LHX4: variants seen among roughly 807,000 people sequenced by gnomAD.
The protein encoded by LHX4 is LIM homeobox 4.
LHX4 carries 16 observed loss-of-function variants against 39.2 expected under a neutral mutation model. That is an observed-to-expected ratio of 0.41 (90% CI 0.28 to 0.62). LHX4 has a LOEUF of 0.62. LHX4 is among the 20% of genes least tolerant of loss of function. LHX4 has a pLI of 0.33. For synonymous variants in LHX4, 206 were observed against 198.1 expected (o/e 1.04, Z -0.33); for missense variants, 439 against 511.9 (o/e 0.86, Z 1.37).
intron 2 of LHX4, among the ~76,000 whole-genome samples, chr1:180,251,927 C>T (rs1647644379): frequency 6.6e-6 from 1 of 152,178 alleles, no homozygotes. Context: ...CAATGGAGGG[C>T]CAACCCGAGA....
intron 1 of LHX4, among the ~76,000 whole-genome samples, chr1:180,237,705 C>A (rs1019151988): frequency 2.0e-5 from 3 of 152,106 alleles, no homozygotes; most frequent in South Asian, 2.1e-4. Context: ...AGTACCTCAC[C>A]CCCACATGTC....
At chr1:180,254,660 C>T (rs357066) in intron 2 of LHX4, among the ~76,000 whole-genome samples, 3,314 of 152,260 alleles carry the variant, frequency 0.022, 102 homozygotes, top group African/African-American at 0.07. Flanking sequence ...AAAACAGGCT[C>T]GACCCCTCTG....
intron 2 of LHX4, among the ~76,000 whole-genome samples, chr1:180,251,165 C>G (rs565743194): frequency 4.1e-4 from 63 of 152,380 alleles, no homozygotes; most frequent in Middle Eastern, 3.4e-3. Flanking sequence ...GAATATGCCA[C>G]AGAGCCTGCC....
At chr1:180,271,785 G>C (rs753340896) in intron 4 of LHX4, 50 bp from the exon 5 acceptor site, 1 of 1,603,182 alleles carries the variant, frequency 6.2e-7, no homozygotes, top group Non-Finnish European at 8.5e-7. Context: ...TGGGGGCTTT[G>C]GGTTTGTGGT....
chr1:180,248,879 T>C (rs1336317647), intron 2 of LHX4, among the ~76,000 whole-genome samples: 1 of 152,232 alleles, frequency 6.6e-6, no homozygotes, highest in Non-Finnish European at 1.5e-5. Context: ...CATGTCCACA[T>C]CCAGAGGCGT....
In LHX4 at chr1:180,248,653, A is replaced by C. The variant is rs1028157965; in HGVS notation, c.248+197A>C. The C allele has an allele frequency of 7.4e-6, 5 of 672,956 alleles. No individual in the cohort carries two copies. The African/African-American group carries it at 8.8e-5, about 12-fold the overall frequency. The allele number at this position is 672,956 out of a possible 1,614,324, so 41.7% of individuals were successfully genotyped here. A position where few individuals can be genotyped will look rare whatever the true frequency, so the allele number is the denominator to read the frequency against. On this transcript the variant is annotated intron_variant, in intron 2 of 5. Coordinates refer to ENST00000263726, the MANE Select transcript of LHX4 (RefSeq NM_033343.4). ...ACTGGCCCATCACTGCCAGAGGTTC[A>C]GCCTCTAGACCTCATTTGATCTCTG...
chr1:180,267,032 G>A (rs1003364139), intron 3 of LHX4, among the ~76,000 whole-genome samples: 3 of 152,048 alleles, frequency 2.0e-5, no homozygotes, highest in Non-Finnish European at 2.9e-5. Context: ...AAAGGCCGTC[G>A]GTGAGAGCCC....
intron 1 of LHX4, among the ~76,000 whole-genome samples, chr1:180,239,001 G>GGATT (rs2149253529): frequency 6.6e-6 from 1 of 152,320 alleles, no homozygotes; most frequent in South Asian, 2.1e-4. Context: ...TTTATCATCA[G>GGATT]CGGTGATGGT....
intron 2 of LHX4, among the ~76,000 whole-genome samples, chr1:180,249,693 C>T (rs1647523093): frequency 6.6e-6 from 1 of 152,230 alleles, no homozygotes; most frequent in Non-Finnish European, 1.5e-5. Context: ...AAAGGTTTCA[C>T]TATGGAGAAT....
intron 2 of LHX4, among the ~76,000 whole-genome samples, chr1:180,255,317 A>C (rs1647800964): frequency 6.6e-6 from 1 of 152,252 alleles, no homozygotes; most frequent in Non-Finnish European, 1.5e-5. Flanking sequence ...TGCAGGCATG[A>C]TCGTGCGTAC....
chr1:180,233,466 A>G (rs1664227275), intron 1 of LHX4, among the ~76,000 whole-genome samples: 1 of 152,058 alleles, frequency 6.6e-6, no homozygotes, highest in South Asian at 2.1e-4. Flanking sequence ...GAATCCTCAC[A>G]GCGCCTGACC....
chr1:180,237,232 G>T (rs1442361534), intron 1 of LHX4, among the ~76,000 whole-genome samples: 1 of 152,040 alleles, frequency 6.6e-6, no homozygotes, highest in African/African-American at 2.4e-5. Context: ...GCGGGGAGGA[G>T]GGCGGTCGTG....
At chr1:180,244,145 A>G (rs2149255131) in intron 1 of LHX4, among the ~76,000 whole-genome samples, 1 of 152,318 alleles carries the variant, frequency 6.6e-6, no homozygotes, top group East Asian at 1.9e-4. Context: ...GTGGCTCATA[A>G]CAGGCTTCTG....
chr1:180,233,716 C>T (rs1558206804), intron 1 of LHX4, among the ~76,000 whole-genome samples: 1 of 152,094 alleles, frequency 6.6e-6, no homozygotes, highest in Non-Finnish European at 1.5e-5. Flanking sequence ...AGCCCGCCGC[C>T]CGGATCGCTG....
At chr1:180,256,497 A>G (rs554807749) in intron 2 of LHX4, among the ~76,000 whole-genome samples, 28 of 152,268 alleles carry the variant, frequency 1.8e-4, no homozygotes, top group African/African-American at 6.7e-4. Context: ...TCTCTCCCAC[A>G]CACCCATTCC....
intron 2 of LHX4, among the ~76,000 whole-genome samples, chr1:180,265,256 TA>T (rs1480710825): frequency 6.6e-6 from 1 of 152,234 alleles, no homozygotes; most frequent in South Asian, 2.1e-4. Context: ...CTGAAGAAGA[TA>T]AAGTTCTGCT....
chr1:180,237,694 C>A (rs1664358332), intron 1 of LHX4, among the ~76,000 whole-genome samples: 1 of 152,194 alleles, frequency 6.6e-6, no homozygotes, highest in African/African-American at 2.4e-5. Context: ...TGTTTAACTG[C>A]AGTACCTCAC....
intron 1 of LHX4, among the ~76,000 whole-genome samples, chr1:180,233,030 G>T (rs1664216862): frequency 6.6e-6 from 1 of 152,180 alleles, no homozygotes; most frequent in Admixed American, 6.5e-5. Context: ...ACTTGGGGAC[G>T]CAGGTCTAGG....
chr1:180,229,964 A>AGGCGGGG (rs1553278096), upstream of LHX4, among the ~76,000 whole-genome samples: 2 of 73,490 alleles, frequency 2.7e-5, no homozygotes, highest in African/African-American at 1.8e-4. Flanking sequence ...GGAGGCGGGG[A>AGGCGGGG]GGGGGGGGGG....
Sources: allele counts gnomAD v4.1 joint callset (sites outside exome capture counted in the v4.1 genomes callset), GRCh38; gene constraint gnomAD v4.1.1; transcripts MANE v1.5; gene names NCBI Gene and HGNC (gene_info 2026-07-23, HGNC 2026-07-21).